The following CSMD1 variants were observed in gnomAD, a reference collection of about 807,000 sequenced individuals.
CSMD1 encodes CUB and sushi domain-containing protein 1.
CSMD1 carries 213 observed loss-of-function variants against 417.5 expected under a neutral mutation model. The ratio of observed to expected loss-of-function variants is 0.51; its 90% CI spans 0.46 to 0.57. The LOEUF (loss-of-function observed/expected upper bound fraction) is 0.57, where lower values mean the gene tolerates loss of function less well. Among genes scored for constraint, CSMD1 ranks in the 20% least tolerant of loss-of-function variants. The pLI, the probability that CSMD1 is intolerant of heterozygous loss-of-function variation, is 0.00. For synonymous variants in CSMD1, 2,862 were observed against 1,736.8 expected (o/e 1.65, Z -16.11); for missense variants, 6,923 against 4,529.7 (o/e 1.53, Z -15.17).
intron 7 of CSMD1, among the ~76,000 whole-genome samples, chr8:3,617,902 T>A (rs1802222731): frequency 6.6e-6 from 1 of 152,228 alleles, no homozygotes; most frequent in Non-Finnish European, 1.5e-5. Flanking sequence ...ATATTTTAAA[T>A]AATTCCGTGA....
chr8:4,669,523 A>C (rs1240867276), intron 1 of CSMD1, among the ~76,000 whole-genome samples: 1 of 152,156 alleles, frequency 6.6e-6, no homozygotes, highest in Non-Finnish European at 1.5e-5. Flanking sequence ...CTTCTTCCAA[A>C]TTGACACATA....
At chr8:3,922,676 T>C (rs537778127) in intron 5 of CSMD1, among the ~76,000 whole-genome samples, 2 of 152,312 alleles carry the variant, frequency 1.3e-5, no homozygotes, top group East Asian at 1.9e-4. Context: ...GTGCTTTTCA[T>C]CCAAATCTGT....
chr8:4,211,446 A>T (rs1173808487), intron 3 of CSMD1, among the ~76,000 whole-genome samples: 2 of 152,250 alleles, frequency 1.3e-5, no homozygotes, highest in African/African-American at 4.8e-5. Flanking sequence ...ATAGCAGTTT[A>T]CGCATGACAA....
chr8:4,443,078 G>C (rs893428143), intron 2 of CSMD1, among the ~76,000 whole-genome samples: 1 of 152,146 alleles, frequency 6.6e-6, no homozygotes, highest in Non-Finnish European at 1.5e-5. Flanking sequence ...GTCAGAGGTG[G>C]TATCTGCCTT....
At chr8:4,942,709 G>C (rs1368475154) in intron 1 of CSMD1, among the ~76,000 whole-genome samples, 5 of 152,146 alleles carry the variant, frequency 3.3e-5, no homozygotes, top group Non-Finnish European at 7.3e-5. Flanking sequence ...GGCAGACACA[G>C]AATCAGTGGA....
At chr8:4,378,037 A>C (rs554488675) in intron 3 of CSMD1, among the ~76,000 whole-genome samples, 1 of 152,226 alleles carries the variant, frequency 6.6e-6, no homozygotes, top group Non-Finnish European at 1.5e-5. Flanking sequence ...TCTAATATAC[A>C]GGTAAGTGTA....
At chr8:3,977,375 T>A (rs1035025054) in intron 5 of CSMD1, among the ~76,000 whole-genome samples, 9 of 152,182 alleles carry the variant, frequency 5.9e-5, no homozygotes, top group South Asian at 2.1e-4. Context: ...CTCAATACAT[T>A]TTGCTGAAAA....
At chr8:3,463,626 T>A (rs759346705) in intron 12 of CSMD1, among the ~76,000 whole-genome samples, 11 of 152,226 alleles carry the variant, frequency 7.2e-5, no homozygotes, top group Non-Finnish European at 1.5e-4. Flanking sequence ...TGAGCTGTCC[T>A]CGGTTCAGGG....
chr8:3,631,612 C>T (rs984116073), intron 7 of CSMD1, among the ~76,000 whole-genome samples: 4 of 152,192 alleles, frequency 2.6e-5, no homozygotes, highest in South Asian at 2.1e-4. Context: ...AAGGATCCAT[C>T]GGTTTTGCAA....
At chr8:3,339,155 G>T (rs1374254689) in intron 23 of CSMD1, among the ~76,000 whole-genome samples, 4 of 151,980 alleles carry the variant, frequency 2.6e-5, no homozygotes, top group African/African-American at 9.7e-5. Context: ...TCCCTACAAA[G>T]GACATGAACT....
chr8:4,443,446 T>C (rs545486212), intron 2 of CSMD1, among the ~76,000 whole-genome samples: 1 of 152,228 alleles, frequency 6.6e-6, no homozygotes, highest in Non-Finnish European at 1.5e-5. Flanking sequence ...CAACACTGAA[T>C]TGTATGATGC....
At chr8:4,073,726 C>T (rs1467163177) in intron 3 of CSMD1, among the ~76,000 whole-genome samples, 2 of 152,096 alleles carry the variant, frequency 1.3e-5, no homozygotes, top group Non-Finnish European at 2.9e-5. Context: ...CTTGTATAGA[C>T]ACCAGCTGTT....
chr8:3,417,927 C>G (rs1000088453), intron 12 of CSMD1, among the ~76,000 whole-genome samples: 3 of 152,174 alleles, frequency 2.0e-5, no homozygotes, highest in African/African-American at 7.2e-5. Flanking sequence ...CAACCCAGCA[C>G]TTGGACAGAC....
At position 4,579,267 on chromosome 8, in the gene CSMD1, A is replaced by AT. The variant is rs1188538854; in HGVS notation, c.302+58074_302+58075insA. On this transcript the variant is annotated intron_variant, in intron 2 of 69. Transcript: ENST00000635120. ...AGTTTAAACATACATACATATATAT[A>AT]CATATATATATGTATATATATAAAA... 2.7e-5 allele frequency among the ~76,000 whole-genome samples: 4 copies of AT among 146,838 alleles called. 1 individual carries two copies. Among genetic ancestry groups the AT allele is most frequent in the African/African-American group, 9.8e-5 (4 of 40,844 alleles).
intron 33 of CSMD1, 130 bp downstream of exon 33, chr8:3,199,584 A>G (rs1796881398): frequency 2.4e-6 from 1 of 411,650 alleles, no homozygotes; most frequent in Admixed American, 4.3e-5. Flanking sequence ...AAACATATGA[A>G]CACCTTCAGC....
chr8:4,967,596 G>C (rs75338858), intron 1 of CSMD1, among the ~76,000 whole-genome samples: 6,489 of 152,196 alleles, frequency 0.043, 184 homozygotes, highest in Non-Finnish European at 0.065. Context: ...TTTTAACAGA[G>C]TTGTAACAGT....
At chr8:3,334,184 C>G (rs916599473) in intron 23 of CSMD1, among the ~76,000 whole-genome samples, 2 of 152,146 alleles carry the variant, frequency 1.3e-5, no homozygotes, top group African/African-American at 4.8e-5. Flanking sequence ...AGGTATCAGT[C>G]AATCCTATAA....
At chr8:4,245,294 A>G (rs1309728650) in intron 3 of CSMD1, among the ~76,000 whole-genome samples, 1 of 152,174 alleles carries the variant, frequency 6.6e-6, no homozygotes, top group Non-Finnish European at 1.5e-5. Flanking sequence ...TTAACACAAC[A>G]AACACTGCAT....
chr8:3,947,609 T>A (rs1252398512), intron 5 of CSMD1, among the ~76,000 whole-genome samples: 1 of 151,980 alleles, frequency 6.6e-6, no homozygotes, highest in East Asian at 1.9e-4. Flanking sequence ...TTGTTTAGTT[T>A]CCAAATACGA....
Sources: gnomAD v4.1 joint callset for allele counts (sites outside exome capture counted in the v4.1 genomes callset) on GRCh38, gnomAD v4.1.1 for gene constraint, MANE v1.5 for transcripts, NCBI Gene and HGNC (gene_info 2026-07-23, HGNC 2026-07-21) for gene names.